Variants in TMEM192 observed in about 807,000 individuals in gnomAD.
TMEM192 encodes the protein transmembrane protein 192.
A neutral mutation model predicts 26.7 loss-of-function variants in TMEM192; 20 were observed. The ratio of observed to expected loss-of-function variants is 0.75; its 90% confidence interval spans 0.53 to 1.09. The LOEUF (loss-of-function observed/expected upper bound fraction) is 1.09, where lower values mean the gene tolerates loss of function less well. Among genes scored for constraint, TMEM192 ranks in the 50% least tolerant of loss-of-function variants. TMEM192 has a pLI of 0.00. For synonymous variants in TMEM192, 124 were observed against 121.0 expected (o/e 1.02, Z -0.16); for missense variants, 304 against 322.6 (o/e 0.94, Z 0.44).
At chr4:165,110,081 T>C (rs1272042114) in intron 1 of TMEM192, among the ~76,000 whole-genome samples, 3 of 152,204 alleles carry the variant, frequency 2.0e-5, no homozygotes, top group Admixed American at 6.5e-5. Flanking sequence ...TTGAATCCTA[T>C]AGGAAATATG....
At position 165,098,377 on chromosome 4, in the gene TMEM192, G is replaced by A. The variant is rs536258192; in HGVS notation, c.439+2251C>T. ...TGACCTCAGGGAATCTACCCGCCTC[G>A]GCCTCCCAAAGTGCTGGGATTATAG... On this transcript the variant is annotated intron_variant, in intron 3 of 5. Coordinates refer to ENST00000306480, the MANE Select transcript of TMEM192 (RefSeq NM_001100389.2). 2.4e-4 allele frequency among the ~76,000 whole-genome samples: 37 copies of A among 152,086 alleles called. 1 individual carries two copies. The South Asian group carries it at 7.5e-3, about 31-fold the overall frequency.
In TMEM192 at chr4:165,100,713, G is replaced by C. The variant is rs1222770170; in HGVS notation, c.354C>G (p.His118Gln). The C allele has an allele frequency of 1.9e-6, 3 of 1,613,982 alleles. No individual in the cohort carries two copies. The highest frequency in any genetic ancestry group is 1.7e-5 in the Admixed American group (1 of 59,978). The change falls in exon 3 of 6, where the codon CAC becomes CAG. Residue 118 changes from histidine to glutamine, a missense_variant. Coordinates refer to ENST00000306480, the MANE Select transcript of TMEM192 (RefSeq NM_001100389.2). ...LLLECYIQYH[H>Q]SKIRNRGYNL... ...TATAGCCTCGGTTTCTGATTTTGCT[G>C]TGGTGATACTGGATGTAGCATTCAA...
chr4:165,090,003 C>T (rs527952799), intron 3 of TMEM192, among the ~76,000 whole-genome samples: 5 of 151,772 alleles, frequency 3.3e-5, no homozygotes, highest in African/African-American at 4.8e-5. Flanking sequence ...CCTGAGGTTG[C>T]GAGTTCGAGA....
chr4:165,084,294 G>A (rs1734559443), intron 5 of TMEM192, among the ~76,000 whole-genome samples: 1 of 151,338 alleles, frequency 6.6e-6, no homozygotes, highest in African/African-American at 2.4e-5. Context: ...TGTCTCCCGG[G>A]TTCAAGCGAT....
intron 3 of TMEM192, among the ~76,000 whole-genome samples, chr4:165,099,382 G>C: frequency 6.6e-6 from 1 of 151,872 alleles, no homozygotes; most frequent in Non-Finnish European, 1.5e-5. Flanking sequence ...TACTGTGCCC[G>C]GCCATTTACT....
intron 1 of TMEM192, among the ~76,000 whole-genome samples, chr4:165,109,901 A>G (rs1189452277): frequency 6.6e-6 from 1 of 152,206 alleles, no homozygotes; most frequent in Non-Finnish European, 1.5e-5. Flanking sequence ...CTTCTGCTTT[A>G]AAATCCTATA....
rs1370525791 is a variant in TMEM192, at chr4:165,072,894, C to T, written c.*6764G>A. ...GGAGGAAGGCCTGGCTGAAGATTCA[C>T]ATTTGGAAATTATCAGCTCATAAAT... On this transcript the variant is annotated 3_prime_UTR_variant, in exon 6 of 6. Transcript: ENST00000306480. 6.6e-6 allele frequency: 1 copy of T among 152,082 alleles called. No individual in the cohort carries two copies. Among genetic ancestry groups the T allele is most frequent in the Non-Finnish European group, 1.5e-5 (1 of 68,102 alleles). The allele number at this position is 152,082 out of a possible 1,614,324, so 9.4% of individuals were successfully genotyped here.
intron 1 of TMEM192, among the ~76,000 whole-genome samples, chr4:165,111,076 A>G (rs1735282749): frequency 1.3e-5 from 2 of 152,188 alleles, no homozygotes; most frequent in South Asian, 4.1e-4. Context: ...GCAAAACATT[A>G]ATCTCTAATT....
At chr4:165,102,457 A>G (rs1735057791) in intron 2 of TMEM192, among the ~76,000 whole-genome samples, 1 of 152,180 alleles carries the variant, frequency 6.6e-6, no homozygotes, top group South Asian at 2.1e-4. Context: ...AAACAGGTCC[A>G]CAACAGCCCT....
At chr4:165,104,196 T>C (rs573227658) in intron 1 of TMEM192, among the ~76,000 whole-genome samples, 14 of 134,122 alleles carry the variant, frequency 1.0e-4, no homozygotes, top group Admixed American at 4.6e-4. Context: ...TCTCATCACA[T>C]GTTAAAAAAA....
rs143489797 is a variant in TMEM192, at chr4:165,103,173, A to G, written c.28-77T>C. 323 of 1,369,930 alleles carry G rather than the reference A, an allele frequency of 2.4e-4. 1 individual carries two copies. The East Asian group carries it at 8.0e-3, about 34-fold the overall frequency. 84.9% of individuals were successfully genotyped at this position (1,369,930 alleles called of 1,614,324 possible). On this transcript the variant is annotated intron_variant, in intron 1 of 5. Transcript: ENST00000306480. ...TTCTAAGACAAATCTACTAAACTACAGAGCTTTTTAACCACATACAAATTA... is the reference window on the plus strand; with the variant it reads ...TTCTAAGACAAATCTACTAAACTACGGAGCTTTTTAACCACATACAAATTA...
chr4:165,100,968 A>ATT, intron 2 of TMEM192, 76 bp from the exon 3 acceptor site: 13 of 1,058,594 alleles, frequency 1.2e-5, no homozygotes, highest in South Asian at 1.0e-4. Flanking sequence ...CCCAGCATAC[A>ATT]TTCTTTTTTT....
At chr4:165,080,581 G>C (rs529791026) in intron 5 of TMEM192, among the ~76,000 whole-genome samples, 2 of 152,196 alleles carry the variant, frequency 1.3e-5, no homozygotes, top group South Asian at 4.1e-4. Flanking sequence ...TTCAAGGGAT[G>C]GTAAGTGAGA....
At chr4:165,111,747 A>T (rs1234243111) in intron 1 of TMEM192, 4 of 152,224 alleles carry the variant, frequency 2.6e-5, no homozygotes, top group African/African-American at 4.8e-5. Flanking sequence ...AGATTATTTA[A>T]CTGGTTACTG....
rs1199458624 is a variant in TMEM192, at chr4:165,079,749, A to G, written c.725T>C (p.Ile242Thr). Residue 242 changes from isoleucine (I) to threonine (T), a missense_variant, in exon 6 of 6, where the codon ATT becomes ACT. Ile to Thr is a moderately conservative substitution (Grantham distance 89, BLOSUM62 -1). Coordinates refer to ENST00000306480, the MANE Select transcript of TMEM192 (RefSeq NM_001100389.2). ...CGCATTGTGTCGCTTCAGGTATTCA[A>G]TGGTGTCTCCTTGCTTTTCAACAAT... is the stretch of plus-strand genomic sequence containing the variant. Reference protein sequence around the residue: ...EEIVEKQGDTIEYLKRHNALL... With the variant: ...EEIVEKQGDTTEYLKRHNALL... 11 of 1,613,998 alleles carry G rather than the reference A, an allele frequency of 6.8e-6. No individual in the cohort carries two copies. The highest frequency in any genetic ancestry group is 9.3e-6 in the Non-Finnish European group (11 of 1,180,008).
rs1734321679 is a variant in TMEM192, at chr4:165,074,041, C to G, written c.*5617G>C. The G allele has an allele frequency of 6.6e-6, 1 of 152,112 alleles. No homozygotes were observed. The highest frequency in any genetic ancestry group is 1.5e-5 in the Non-Finnish European group (1 of 68,042). 9.4% of individuals were successfully genotyped at this position (152,112 alleles called of 1,614,324 possible). ...CCACTGTTCTTTCTTTATACTTTGT[C>G]TCTGTGTCTTATTTCTTTTCTCAGT... On this transcript the variant is annotated 3_prime_UTR_variant, in exon 6 of 6. Transcript: ENST00000306480.
At chr4:165,098,188 G>A (rs1734957648) in intron 3 of TMEM192, among the ~76,000 whole-genome samples, 1 of 151,482 alleles carries the variant, frequency 6.6e-6, no homozygotes, top group South Asian at 2.1e-4. Flanking sequence ...GCAATGGTAT[G>A]ATTGCAGCTC....
rs866499636 is a variant in TMEM192 at position 165,071,238 on chromosome 4, G to T, written c.*8420C>A. 1 of 151,962 alleles carries T rather than the reference G, an allele frequency of 6.6e-6. No individual in the cohort carries two copies. Among genetic ancestry groups the T allele is most frequent in the Non-Finnish European group, 1.5e-5 (1 of 68,016 alleles). 9.4% of individuals were successfully genotyped at this position (151,962 alleles called of 1,614,324 possible). ...TATAATAAAAGTTACGTGTGGTGGT[G>T]TGGTGCACATCTATAATCCCAGCTA... is the stretch of plus-strand genomic sequence containing the variant. On this transcript the variant is annotated 3_prime_UTR_variant, in exon 6 of 6. Transcript: ENST00000306480.
chr4:165,100,401 G>A (rs1443563531), intron 3 of TMEM192, among the ~76,000 whole-genome samples: 2 of 152,034 alleles, frequency 1.3e-5, no homozygotes, highest in Non-Finnish European at 2.9e-5. Flanking sequence ...CTCGTGATCT[G>A]CCCACCTCAG....
Sources: gnomAD v4.1 joint callset for allele counts (sites outside exome capture counted in the v4.1 genomes callset) on GRCh38, gnomAD v4.1.1 for gene constraint, MANE v1.5 for transcripts, NCBI Gene and HGNC (gene_info 2026-07-23, HGNC 2026-07-21) for gene names.